The following RTKN variants were observed in gnomAD, a reference collection of about 807,000 sequenced individuals.
RTKN encodes the protein rhotekin.
Under a neutral mutation model 63.5 loss-of-function variants are expected in RTKN, and 49 were observed. The ratio of observed to expected loss-of-function variants is 0.77; its 90% CI spans 0.61 to 0.98. RTKN has a LOEUF of 0.98. RTKN is among the 50% of genes least tolerant of loss of function. RTKN has a pLI of 0.00. For missense variants in RTKN, 685 were observed against 740.8 expected (o/e 0.92, Z 0.87); for synonymous variants, 295 against 290.4 (o/e 1.02, Z -0.16).
At chr2:74,430,227 G>A (rs779603575) in intron 5 of RTKN, 25 bp downstream of exon 5, 1 of 1,593,956 alleles carries the variant, frequency 6.3e-7, no homozygotes, top group Non-Finnish European at 8.6e-7. Flanking sequence ...GGAGGAAGGA[G>A]GTAGCCACAG....
At chr2:74,432,439 A>C in intron 2 of RTKN, 28 bp downstream of exon 2, 1 of 1,599,294 alleles carries the variant, frequency 6.3e-7, no homozygotes, top group Non-Finnish European at 8.5e-7. Flanking sequence ...TCCTGCCTCC[A>C]TCGAGGCCTC....
chr2:74,427,335 T>C (rs1670454159), intron 10 of RTKN, 62 bp from the exon 11 acceptor site: 11 of 1,607,660 alleles, frequency 6.8e-6, no homozygotes, highest in Non-Finnish European at 9.4e-6. Flanking sequence ...CTACATTCCC[T>C]TCCACATAAT....
rs775434236 is a variant in RTKN at position 74,428,712 on chromosome 2, A to C, written c.876T>G (p.Leu292=). 1 of 1,613,902 alleles carries C rather than the reference A, an allele frequency of 6.2e-7. No homozygotes were observed. Among genetic ancestry groups the C allele is most frequent in the Non-Finnish European group, 8.5e-7 (1 of 1,179,920 alleles). The change falls in exon 8 of 12, where the codon CTT becomes CTG. Residue 292 remains leucine (L), a synonymous_variant. Transcript: ENST00000272430. Reference sequence around the variant, plus strand: ...CCAGACGGCAACACACGCTACCATAAAGGGGCAGCCAGGCAGGGTTCTCCT... The same window carrying C: ...CCAGACGGCAACACACGCTACCATACAGGGGCAGCCAGGCAGGGTTCTCCT... The part of the protein sequence containing the change: ...SHEENPAWLP[L]YGSVCCRLAA...
intron 1 of RTKN, chr2:74,440,475 A>T (rs1671304886): frequency 1.0e-6 from 1 of 986,424 alleles, no homozygotes. Flanking sequence ...CCCGATTCCG[A>T]GCCAGCTGCA....
chr2:74,428,658 G>A lies in RTKN; in HGVS notation c.930C>T (p.Pro310=), dbSNP rs1413181927. The A allele has an allele frequency of 3.7e-6, 6 of 1,613,808 alleles. No individual in the cohort carries two copies. Among genetic ancestry groups the A allele is most frequent in the Non-Finnish European group, 8.5e-7 (1 of 1,179,964 alleles). ...LAAQPLCMTQ[P]TASGTLRVQQ... is the part of the protein sequence containing the mutation. ...GCACCCTGAGGGTACCACTTGCAGTGGGCTGAGTCATGCAGAGAGGCTGAG... is the reference window on the plus strand; with the variant it reads ...GCACCCTGAGGGTACCACTTGCAGTAGGCTGAGTCATGCAGAGAGGCTGAG... Residue 310 remains proline (P), a synonymous_variant, in exon 8 of 12, where the codon CCC becomes CCT. Transcript: ENST00000272430.
At chr2:74,427,064 G>A (rs1670437055) in intron 11 of RTKN, 105 bp downstream of exon 11, 5 of 1,497,348 alleles carry the variant, frequency 3.3e-6, no homozygotes, top group Admixed American at 4.2e-5. Flanking sequence ...GAGATCTGGT[G>A]TAGCCCAGAG....
intron 1 of RTKN, among the ~76,000 whole-genome samples, chr2:74,441,410 T>G (rs374566198): frequency 6.6e-6 from 1 of 152,186 alleles, no homozygotes; most frequent in Non-Finnish European, 1.5e-5. Flanking sequence ...CCAAGACATT[T>G]TGGGGTTCAG....
chr2:74,434,861 T>C, intron 1 of RTKN, among the ~76,000 whole-genome samples: 1 of 152,194 alleles, frequency 6.6e-6, no homozygotes, highest in Non-Finnish European at 1.5e-5. Flanking sequence ...ATATGTACTT[T>C]TGGAAAACTC....
At position 74,436,492 on chromosome 2, in the gene RTKN, G is replaced by A. The variant is rs1302891729; in HGVS notation, c.112-3826C>T. ...CCATCGCGGCGGGACCGGACCTCCA[G>A]GAGTGCGCCCGCGCCGCCCTGGAAA... On this transcript the variant is annotated intron_variant, in intron 1 of 11. Transcript: ENST00000272430. The surrounding 1 kb of genome is among the most constrained non-coding windows in gnomAD (Gnocchi z 4.3). Among the ~76,000 whole-genome samples the A allele has an allele frequency of 2.6e-5, 4 of 151,940 alleles. No homozygotes were observed. Among genetic ancestry groups the A allele is most frequent in the African/African-American group, 9.7e-5 (4 of 41,356 alleles).
intron 11 of RTKN, 141 bp from the exon 12 acceptor site, chr2:74,426,715 G>A (rs1558537790): frequency 4.3e-6 from 6 of 1,390,564 alleles, no homozygotes; most frequent in Non-Finnish European, 5.6e-6. Flanking sequence ...TCCTGCAGGA[G>A]CAGCCCCTCA....
chr2:74,439,307 C>G (rs959541333), intron 1 of RTKN, among the ~76,000 whole-genome samples: 1 of 152,212 alleles, frequency 6.6e-6, no homozygotes, highest in Non-Finnish European at 1.5e-5. Flanking sequence ...GACATTTACA[C>G]TCACCCACAG....
At position 74,429,841 on chromosome 2, in the gene RTKN, T is replaced by C. The variant is rs1456360127; in HGVS notation, c.742A>G (p.Thr248Ala). ...GCAAGGCCTTACCCAACAACTGGGG[T>C]GGGGAGCAAGATGGGACTGCTCCCT... ...GSGSSPILLP[T>A]PVVGGPRYHL... Residue 248 changes from threonine (T) to alanine (A), a missense_variant, in exon 6 of 12, where the codon ACC becomes GCC. By Grantham distance (58) the Thr-to-Ala change is moderately conservative (BLOSUM62 0). Transcript: ENST00000272430. 1 of 1,613,300 alleles carries C rather than the reference T, an allele frequency of 6.2e-7. No individual in the cohort carries two copies. The highest frequency in any genetic ancestry group is 1.3e-5 in the African/African-American group (1 of 74,838).
chr2:74,440,610 G>A (rs746477106), intron 1 of RTKN: 113 of 973,538 alleles, frequency 1.2e-4, no homozygotes, highest in Non-Finnish European at 1.3e-4. Flanking sequence ...CCCAGGGGCG[G>A]CCCCAGCTCA....
Position 74,427,510 on chromosome 2 carries a change from T to A in RTKN, c.1169A>T (p.Asp390Val), listed in dbSNP as rs1452149410. The A allele has an allele frequency of 6.2e-7, 1 of 1,614,206 alleles. No homozygotes were observed. Among genetic ancestry groups the A allele is most frequent in the Admixed American group, 1.7e-5 (1 of 60,022 alleles). The change falls in exon 10 of 12, where the codon GAT becomes GTT. Residue 390 changes from aspartate to valine, a missense_variant. Coordinates refer to ENST00000272430, the MANE Select transcript of RTKN (RefSeq NM_001015055.2). ...TLSISNQYGD[D>V]EVTHTLQTES... Reference sequence around the variant, plus strand: ...TGTCTGAAGGGTGTGTGTCACCTCATCATCCCCATACTGGTTACTGATGCT... The same window carrying A: ...TGTCTGAAGGGTGTGTGTCACCTCAACATCCCCATACTGGTTACTGATGCT...
At chr2:74,429,043 C>G (rs940335349) in intron 6 of RTKN, 101 bp from the exon 7 acceptor site, 16 of 934,384 alleles carry the variant, frequency 1.7e-5, no homozygotes, top group Non-Finnish European at 2.6e-5. Context: ...GACTGCCCCA[C>G]AGAAAACTCG....
At chr2:74,438,796 A>G (rs1671193281) in intron 1 of RTKN, among the ~76,000 whole-genome samples, 1 of 152,156 alleles carries the variant, frequency 6.6e-6, no homozygotes, top group African/African-American at 2.4e-5. Context: ...TGACCTCCAC[A>G]TCTAACATTG....
intron 2 of RTKN, chr2:74,431,078 T>A: frequency 5.4e-6 from 1 of 185,914 alleles, no homozygotes. Context: ...TTTTTTTTTT[T>A]TAACAATAGG....
Position 74,426,528 on chromosome 2 carries a change from G to T in RTKN, c.1407C>A (p.Thr469=). 1 of 1,551,148 alleles carries T rather than the reference G, an allele frequency of 6.4e-7. No individual in the cohort carries two copies. The highest frequency in any genetic ancestry group is 1.2e-5 in the South Asian group (1 of 81,456). Reference sequence around the variant, plus strand: ...TCTCCAGCCTTGCGCCCTCCCGCTGGGTCAGGATGTCTGTCACCGCTGCGA... The same window carrying T: ...TCTCCAGCCTTGCGCCCTCCCGCTGTGTCAGGATGTCTGTCACCGCTGCGA... The part of the protein sequence containing the change: ...DDIAAVTDIL[T]QREGARLETP... The change falls in exon 12 of 12, where the codon ACC becomes ACA. Residue 469 remains threonine, a synonymous_variant. Transcript: ENST00000272430.
intron 1 of RTKN, chr2:74,440,397 G>A: frequency 1.0e-6 from 1 of 986,582 alleles, no homozygotes; most frequent in Non-Finnish European, 1.2e-6. Context: ...GGAAGGCAGG[G>A]GTGTGCCTGT....
Sources: gnomAD v4.1 joint callset for allele counts (sites outside exome capture counted in the v4.1 genomes callset) on GRCh38, gnomAD v4.1.1 for gene constraint, Gnocchi (gnomAD v3.1) non-coding constraint, MANE v1.5 for transcripts, NCBI Gene and HGNC (gene_info 2026-07-23, HGNC 2026-07-21) for gene names.